WDR77: variants seen among roughly 807,000 people sequenced by gnomAD.
WDR77 encodes methylosome protein WDR77.
WDR77 carries 31 observed loss-of-function variants against 44.0 expected under a neutral mutation model. That is an observed-to-expected ratio of 0.70 (90% CI 0.53 to 0.95). WDR77 has a LOEUF of 0.95. Among genes scored for constraint, WDR77 ranks in the 40% least tolerant of loss-of-function variants. The pLI is 0.00. For synonymous variants in WDR77, 186 were observed against 165.7 expected, an observed-to-expected ratio of 1.12 and a Z score of -0.94; for missense variants, 390 against 423.9, an observed-to-expected ratio of 0.92 and a Z score of 0.70.
At position 111,446,899 on chromosome 1, in the gene WDR77, C is replaced by G; in HGVS notation, c.493+196G>C. 5.0e-6 allele frequency: 3 copies of G among 601,096 alleles called. No homozygotes were observed. The South Asian group carries it at 6.6e-5, about 13-fold the overall frequency. The allele number at this position is 601,096 out of a possible 1,614,324, so 37.2% of individuals were successfully genotyped here. A position where few individuals can be genotyped will look rare whatever the true frequency, so the allele number is the denominator to read the frequency against. ...CCTCCCTTTTCACTACTGCACTTGA[C>G]TAGTCGAATTAAAAAAAAAGAAAGA... On this transcript the variant is annotated intron_variant, in intron 4 of 9. Coordinates refer to ENST00000235090, the MANE Select transcript of WDR77 (RefSeq NM_024102.4).
Position 111,447,489 on chromosome 1 carries a change from G to A in WDR77, c.389C>T (p.Thr130Ile). ...CKYEHDDIVSTVSVLSSGTQA... is the reference protein window; with the variant it reads ...CKYEHDDIVSIVSVLSSGTQA... Reference sequence around the variant, plus strand: ...TGTGCCAGAGCTCAAGACACTGACTGTAGACACAATGTCATCATGCTCATA... The same window carrying A: ...TGTGCCAGAGCTCAAGACACTGACTATAGACACAATGTCATCATGCTCATA... The change falls in exon 3 of 10, where the codon ACA becomes ATA. Residue 130 changes from threonine to isoleucine, a missense_variant. Transcript: ENST00000235090. 1 of 1,614,192 alleles carries A rather than the reference G, an allele frequency of 6.2e-7. No individual in the cohort carries two copies. Among genetic ancestry groups the A allele is most frequent in the South Asian group, 1.1e-5 (1 of 91,082 alleles).
chr1:111,447,221 C>G (rs1470267399), intron 3 of WDR77, 77 bp from the exon 4 acceptor site: 1 of 1,564,740 alleles, frequency 6.4e-7, no homozygotes, highest in Admixed American at 1.7e-5. Flanking sequence ...CAAGAACTTC[C>G]TGTAATCAAC....
chr1:111,441,410 C>T lies in WDR77; in HGVS notation c.870-21G>A, dbSNP rs750289569. On this transcript the variant is annotated intron_variant, in intron 9 of 9. Coordinates refer to ENST00000235090, the MANE Select transcript of WDR77 (RefSeq NM_024102.4). ...TAAACCTAGAAGAAAGAAAAAAAGT[C>T]GGGGCAGAGTAGAGACAAGAAAAGC... The T allele has an allele frequency of 1.2e-5, 18 of 1,466,224 alleles. No homozygotes were observed. The Admixed American group carries it at 2.6e-4, about 21-fold the overall frequency. The allele number at this position is 1,466,224 out of a possible 1,614,324, so 90.8% of individuals were successfully genotyped here. A position where few individuals can be genotyped will look rare whatever the true frequency, so the allele number is the denominator to read the frequency against.
chr1:111,441,687 G>A (rs918442408), intron 9 of WDR77: 3 of 924,880 alleles, frequency 3.2e-6, no homozygotes, highest in Non-Finnish European at 2.9e-6. Flanking sequence ...GGTCTTCCAG[G>A]TGCTGCCTTT....
rs1363217337 is a variant in WDR77 at position 111,447,441 on chromosome 1, T to C, written c.437A>G (p.Asp146Gly). The C allele has an allele frequency of 6.2e-7, 1 of 1,614,144 alleles. No homozygotes were observed. The highest frequency in any genetic ancestry group is 8.5e-7 in the Non-Finnish European group (1 of 1,180,006). Residue 146 changes from aspartate (D) to glycine (G), a missense_variant, in exon 3 of 10, where the codon GAC (aspartate) becomes GGC (glycine). Coordinates refer to ENST00000235090, the MANE Select transcript of WDR77 (RefSeq NM_024102.4). ...SGTQAVSGSK[D>G]ICIKVWDLAQ... ...AATGAGAACAGGGACCCACCAGATGTCTTTGCTACCACTGACAGCTTGTGT... is the reference window on the plus strand; with the variant it reads ...AATGAGAACAGGGACCCACCAGATGCCTTTGCTACCACTGACAGCTTGTGT...
rs1279094691 is a variant in WDR77, at chr1:111,448,786, C to T, written c.134G>A (p.Gly45Glu). Residue 45 changes from glycine (G) to glutamate (E), a missense_variant, in exon 2 of 10, where the codon GGG (glycine) becomes GAG (glutamate). Transcript: ENST00000235090. ...RYRSDGALLL[G>E]ASSLSGRCWA... ...GCAGCGCCCACTCAGGCTGGAGGCC[C>T]CGAGGAGAAGCGCCCCATCTACGGG... is the stretch of plus-strand genomic sequence containing the variant. 3 of 1,589,502 alleles carry T rather than the reference C, an allele frequency of 1.9e-6. No homozygotes were observed. Among genetic ancestry groups the T allele is most frequent in the Non-Finnish European group, 2.6e-6 (3 of 1,167,224 alleles).
At chr1:111,442,798 G>A in intron 7 of WDR77, 37 bp from the exon 8 acceptor site, 1 of 1,418,034 alleles carries the variant, frequency 7.1e-7, no homozygotes, top group Non-Finnish European at 9.5e-7. Flanking sequence ...GTGATTAAGA[G>A]CATGGACTTT....
chr1:111,448,122 A>C (rs996671605), intron 2 of WDR77, among the ~76,000 whole-genome samples: 10 of 152,170 alleles, frequency 6.6e-5, no homozygotes, highest in African/African-American at 2.4e-4. Context: ...GAGAGGTTAA[A>C]TCTATCAAAA....
intron 2 of WDR77, among the ~76,000 whole-genome samples, chr1:111,447,867 G>C (rs761397393): frequency 4.6e-5 from 7 of 152,190 alleles, no homozygotes; most frequent in Non-Finnish European, 7.3e-5. Flanking sequence ...AGAGAATATG[G>C]AAAATGAGCT....
intron 4 of WDR77, among the ~76,000 whole-genome samples, chr1:111,446,063 C>T (rs530994134): frequency 3.3e-5 from 5 of 152,352 alleles, no homozygotes; most frequent in Non-Finnish European, 4.4e-5. Context: ...TAAGCCACTG[C>T]GCACAGCTGG....
At position 111,442,724 on chromosome 1, in the gene WDR77, C is replaced by T; in HGVS notation, c.729G>A (p.Lys243=). Residue 243 remains lysine, a synonymous_variant, in exon 8 of 10, where the codon AAG becomes AAA. Transcript: ENST00000235090. ...ENGTVSLVDT[K]STSCVLSSAV... is the part of the protein sequence containing the mutation. ...CTGAGCTCAGGACACAGCTTGTACTCTTGGTGTCCACAAGGGAGACTGTCC... is the reference window on the plus strand; with the variant it reads ...CTGAGCTCAGGACACAGCTTGTACTTTTGGTGTCCACAAGGGAGACTGTCC... 1 of 1,600,118 alleles carries T rather than the reference C, an allele frequency of 6.2e-7. No homozygotes were observed. The highest frequency in any genetic ancestry group is 8.5e-7 in the Non-Finnish European group (1 of 1,170,242).
intron 4 of WDR77, among the ~76,000 whole-genome samples, chr1:111,444,843 G>C (rs1018983029): frequency 7.9e-5 from 12 of 152,288 alleles, no homozygotes; most frequent in Admixed American, 3.9e-4. Flanking sequence ...TAAAAAATAT[G>C]ATAGATCATT....
rs368189047 is a variant in WDR77 at position 111,448,731 on chromosome 1, G to A, written c.189C>T (p.Asp63=). ...CWAGSLWLFK[D]PCAAPNEGFC... ...AGCCTTCGTTGGGGGCGGCACAGGGGTCCTTAAAAAGCCAGAGGGAGCCGG... is the reference window on the plus strand; with the variant it reads ...AGCCTTCGTTGGGGGCGGCACAGGGATCCTTAAAAAGCCAGAGGGAGCCGG... Residue 63 remains aspartate (D), a synonymous_variant, in exon 2 of 10, where the codon GAC becomes GAT. Coordinates refer to ENST00000235090, the MANE Select transcript of WDR77 (RefSeq NM_024102.4). The A allele has an allele frequency of 6.2e-7, 1 of 1,613,834 alleles. No homozygotes were observed. The highest frequency in any genetic ancestry group is 1.1e-5 in the South Asian group (1 of 91,042).
At chr1:111,445,888 C>G (rs540183578) in intron 4 of WDR77, among the ~76,000 whole-genome samples, 28 of 152,270 alleles carry the variant, frequency 1.8e-4, no homozygotes, top group African/African-American at 6.7e-4. Context: ...CGGGCCTCAG[C>G]CTCCCAAGTA....
intron 2 of WDR77, 152 bp downstream of exon 2, chr1:111,448,467 A>G: frequency 1.2e-6 from 1 of 835,148 alleles, no homozygotes; most frequent in Non-Finnish European, 1.9e-6. Flanking sequence ...TTTCCCACCT[A>G]CACAAGAGTT....
At position 111,444,039 on chromosome 1, in the gene WDR77, G is replaced by A. The variant is rs778774493; in HGVS notation, c.564+15C>T. On this transcript the variant is annotated intron_variant, in intron 5 of 9. Coordinates refer to ENST00000235090, the MANE Select transcript of WDR77 (RefSeq NM_024102.4). Reference sequence around the variant, plus strand: ...TGGCTGGAGTGTGTTTAGGGAAGAAGGAGCTATCTCTTACCTCGCTGCATG... The same window carrying A: ...TGGCTGGAGTGTGTTTAGGGAAGAAAGAGCTATCTCTTACCTCGCTGCATG... The A allele has an allele frequency of 2.5e-6, 4 of 1,614,108 alleles. No individual in the cohort carries two copies. The highest frequency in any genetic ancestry group is 2.2e-5 in the South Asian group (2 of 91,080).
rs1305219644 is a variant in WDR77, at chr1:111,449,150, G to C, written c.20C>G (p.Pro7Arg). 6 of 1,589,518 alleles carry C rather than the reference G, an allele frequency of 3.8e-6. No individual in the cohort carries two copies. The East Asian group carries it at 6.8e-5, about 18-fold the overall frequency. ...CCGGGCCGCCGGGGGCACTAGGGGG[G>C]GTGGGGTTTCCTTCCGCATCTCCAC... Reference protein sequence around the residue: MRKETPPPLVPPAAREW... With the variant: MRKETPRPLVPPAAREW... Residue 7 changes from proline (P) to arginine (R), a missense_variant, in exon 1 of 10, where the codon CCC becomes CGC. Pro to Arg is a moderately radical substitution (Grantham distance 103). Transcript: ENST00000235090.
intron 2 of WDR77, 54 bp from the exon 3 acceptor site, chr1:111,447,630 T>C: frequency 6.2e-7 from 1 of 1,601,260 alleles, no homozygotes; most frequent in East Asian, 2.2e-5. Flanking sequence ...AAGGCAGTAA[T>C]TCACTTCTAG....
chr1:111,442,925 G>A (rs144000221), intron 7 of WDR77, among the ~76,000 whole-genome samples, 164 bp from the exon 8 acceptor site: 66 of 152,340 alleles, frequency 4.3e-4, no homozygotes, highest in Non-Finnish European at 7.9e-4. Context: ...TGAAAATTAA[G>A]TTAATGAACG....
Sources: gnomAD v4.1 joint callset for allele counts (sites outside exome capture counted in the v4.1 genomes callset) on GRCh38, gnomAD v4.1.1 for gene constraint, MANE v1.5 for transcripts, NCBI Gene and HGNC (gene_info 2026-07-23, HGNC 2026-07-21) for gene names.